The following CNTN1 variants were observed in gnomAD, a reference collection of about 807,000 sequenced individuals.
CNTN1 encodes the protein contactin 1.
In CNTN1, 38 loss-of-function variants were observed where a neutral mutation model predicts 126.4. That is an observed-to-expected ratio of 0.30 (90% CI 0.23 to 0.39). The LOEUF (loss-of-function observed/expected upper bound fraction) is 0.39, where lower values mean the gene tolerates loss of function less well. Ranked by LOEUF, CNTN1 falls within the 10% of genes least tolerant of loss-of-function variation. CNTN1 has a pLI of 1.00. For synonymous variants in CNTN1, 413 were observed against 422.6 expected, an observed-to-expected ratio of 0.98 and a Z score of 0.28; for missense variants, 1,009 against 1,248.4, an observed-to-expected ratio of 0.81 and a Z score of 2.89.
At chr12:40,955,528 A>G (rs1242647334) in intron 14 of CNTN1, among the ~76,000 whole-genome samples, 3 of 152,126 alleles carry the variant, frequency 2.0e-5, no homozygotes, top group Non-Finnish European at 4.4e-5. Context: ...TTATCTCATA[A>G]CATTATCATT....
At chr12:40,962,434 C>T (rs546448791) in intron 15 of CNTN1, among the ~76,000 whole-genome samples, 104 of 152,044 alleles carry the variant, frequency 6.8e-4, no homozygotes, top group Non-Finnish European at 7.2e-4. Context: ...ATCTGAATGC[C>T]TCTAAATATA....
chr12:40,694,004 C>A (rs950653784), intron 1 of CNTN1, among the ~76,000 whole-genome samples: 5 of 152,196 alleles, frequency 3.3e-5, no homozygotes, highest in African/African-American at 1.2e-4. Flanking sequence ...CCGCATTTTT[C>A]GGTTTCTAAG....
intron 1 of CNTN1, among the ~76,000 whole-genome samples, chr12:40,732,639 A>G (rs1217841568): frequency 6.6e-6 from 1 of 152,040 alleles, no homozygotes; most frequent in Admixed American, 6.6e-5. Flanking sequence ...ATTGAAATCC[A>G]TATTTGCTCA....
chr12:40,823,804 A>G (rs1262231465), intron 1 of CNTN1, among the ~76,000 whole-genome samples: 3 of 152,116 alleles, frequency 2.0e-5, no homozygotes, highest in Admixed American at 6.6e-5. Context: ...TGGAAATTTT[A>G]TGTGCCTAAC....
chr12:41,057,340 A>G (rs1695361674), intron 23 of CNTN1, among the ~76,000 whole-genome samples: 2 of 151,368 alleles, frequency 1.3e-5, no homozygotes, highest in Admixed American at 6.6e-5. Flanking sequence ...CTTAACTTAA[A>G]ATAGACCATG....
At chr12:41,042,538 T>A (rs981185269) in intron 23 of CNTN1, among the ~76,000 whole-genome samples, 8 of 151,992 alleles carry the variant, frequency 5.3e-5, no homozygotes, top group African/African-American at 1.4e-4. Flanking sequence ...CCCATTATTA[T>A]TGTGTGGGAG....
intron 2 of CNTN1, 92 bp from the exon 3 acceptor site, chr12:40,909,981 A>G (rs1164302601): frequency 1.1e-6 from 1 of 939,998 alleles, no homozygotes; most frequent in Non-Finnish European, 1.7e-6. Context: ...CTCTCATTCC[A>G]TTGTCTAGCA....
At chr12:40,706,096 T>TTATATA (rs35315935) in intron 1 of CNTN1, among the ~76,000 whole-genome samples, 110 of 147,720 alleles carry the variant, frequency 7.4e-4, no homozygotes, top group African/African-American at 2.2e-3. Context: ...ATTTGATGCT[T>TTATATA]TATATATATA....
At chr12:41,025,562 G>A (rs533675430) in intron 21 of CNTN1, among the ~76,000 whole-genome samples, 1 of 152,264 alleles carries the variant, frequency 6.6e-6, no homozygotes, top group East Asian at 1.9e-4. Flanking sequence ...TAAAGTTAGA[G>A]AACTATCCTT....
At chr12:40,917,161 G>C (rs1041646959) in intron 3 of CNTN1, among the ~76,000 whole-genome samples, 3 of 151,738 alleles carry the variant, frequency 2.0e-5, no homozygotes, top group African/African-American at 7.3e-5. Flanking sequence ...AACAGCACCA[G>C]AGCCAAAGGA....
At position 40,973,374 on chromosome 12, in the gene CNTN1, G is replaced by C. The variant is rs1022263634; in HGVS notation, c.1805-7535G>C. Among the ~76,000 whole-genome samples the C allele has an allele frequency of 5.3e-5, 8 of 152,190 alleles. No homozygotes were observed. In the East Asian group the frequency reaches 1.5e-3, roughly 29 times the overall value. On this transcript the variant is annotated intron_variant, in intron 15 of 23. Transcript: ENST00000551295. ...AGCCTGCAATAAATAATGAGACTTT[G>C]ACATTCCTTGGCGAAGAAGATGTCT...
chr12:40,747,822 C>G (rs1380005932), intron 1 of CNTN1, among the ~76,000 whole-genome samples: 1 of 152,032 alleles, frequency 6.6e-6, no homozygotes, highest in Non-Finnish European at 1.5e-5. Flanking sequence ...CAAATAAAGA[C>G]AAGTACATTA....
chr12:40,971,310 C>T, intron 15 of CNTN1: 2 of 791,220 alleles, frequency 2.5e-6, no homozygotes, highest in East Asian at 2.7e-5. Context: ...GGGAAGATAC[C>T]TTTCTGTGTT....
chr12:40,752,204 C>A (rs148319985), intron 1 of CNTN1, among the ~76,000 whole-genome samples: 1 of 152,000 alleles, frequency 6.6e-6, no homozygotes, highest in South Asian at 2.1e-4. Flanking sequence ...AATAGATGAG[C>A]CTTGGCTTAC....
Position 41,050,848 on chromosome 12 carries a change from C to A in CNTN1, c.2981-19111C>A, listed in dbSNP as rs530101239. Reference sequence around the variant, plus strand: ...TCATTATTGCCTCCCTAGGAAGCCTCGTTACATATTATTTTTCCAAGTGTT... The same window carrying A: ...TCATTATTGCCTCCCTAGGAAGCCTAGTTACATATTATTTTTCCAAGTGTT... On this transcript the variant is annotated intron_variant, in intron 23 of 23. Coordinates refer to ENST00000551295, the MANE Select transcript of CNTN1 (RefSeq NM_001843.4). Among the ~76,000 whole-genome samples, 9 of 152,212 alleles carry A rather than the reference C, an allele frequency of 5.9e-5. 1 individual carries two copies. The highest frequency in any genetic ancestry group is 6.8e-3 in the Middle Eastern group (2 of 294).
chr12:40,779,616 ATGTGTTT>A (rs1939715190), intron 1 of CNTN1, among the ~76,000 whole-genome samples: 1 of 151,918 alleles, frequency 6.6e-6, no homozygotes, highest in African/African-American at 2.4e-5. Context: ...ATTCTTTTAA[ATGTGTTT>A]CTTTAGAGTT....
rs192699022 is a variant in CNTN1 at position 40,891,134 on chromosome 12, T to A, written c.-76-17223T>A. On this transcript the variant is annotated intron_variant, in intron 1 of 23. Transcript: ENST00000551295. ...ATGATATATGATGTTGAGCATCTCT[T>A]CATATATTGATTTGCCATTTGTTTA... 2.5e-3 allele frequency among the ~76,000 whole-genome samples: 387 copies of A among 152,324 alleles called. 2 individuals carry two copies. The highest frequency in any genetic ancestry group is 3.0e-3 in the Non-Finnish European group (207 of 68,012).
At chr12:40,976,519 GC>G (rs1178813453) in intron 15 of CNTN1, among the ~76,000 whole-genome samples, 1 of 150,124 alleles carries the variant, frequency 6.7e-6, no homozygotes, top group African/African-American at 2.5e-5. Context: ...TATTGAGAGC[GC>G]ATGGTAATGG....
At chr12:40,760,467 TG>T (rs1240028379) in intron 1 of CNTN1, among the ~76,000 whole-genome samples, 6 of 152,008 alleles carry the variant, frequency 3.9e-5, no homozygotes, top group Admixed American at 1.3e-4. Context: ...CAGCAGTTAA[TG>T]TTTTTTTTTT....
Sources: allele counts gnomAD v4.1 joint callset (sites outside exome capture counted in the v4.1 genomes callset), GRCh38; gene constraint gnomAD v4.1.1; transcripts MANE v1.5; gene names NCBI Gene and HGNC (gene_info 2026-07-23, HGNC 2026-07-21).